CNTNAP2: variants seen among roughly 807,000 people sequenced by gnomAD.
CNTNAP2 encodes contactin associated protein 2.
Under a neutral mutation model 155.2 loss-of-function variants are expected in CNTNAP2, and 98 were observed. The observed-to-expected ratio is 0.63, with a 90% CI of 0.54 to 0.75. The LOEUF is 0.75. Among genes scored for constraint, CNTNAP2 ranks in the 30% least tolerant of loss-of-function variants. The pLI, the probability that CNTNAP2 is intolerant of heterozygous loss-of-function variation, is 0.00. For synonymous variants in CNTNAP2, 651 were observed against 631.2 expected, an observed-to-expected ratio of 1.03 and a Z score of -0.47; for missense variants, 1,727 against 1,688.1, an observed-to-expected ratio of 1.02 and a Z score of -0.40.
At chr7:146,761,099 G>A (rs1802089440) in intron 1 of CNTNAP2, among the ~76,000 whole-genome samples, 2 of 152,032 alleles carry the variant, frequency 1.3e-5, no homozygotes, top group South Asian at 2.1e-4. Context: ...TTCAATGATC[G>A]CCACCTTCCA....
At position 147,786,550 on chromosome 7, in the gene CNTNAP2, C is replaced by A. The variant is rs140620899; in HGVS notation, c.2099-117015C>A. Among the ~76,000 whole-genome samples the A allele has an allele frequency of 2.5e-4, 38 of 152,302 alleles. 1 individual carries two copies. In the East Asian group the frequency reaches 6.2e-3, roughly 25 times the overall value. On this transcript the variant is annotated intron_variant, in intron 13 of 23. Coordinates refer to ENST00000361727, the MANE Select transcript of CNTNAP2 (RefSeq NM_014141.6). ...GCTGGGGATGGCAGAGAGAGGCAGC[C>A]ACCCTTTGAAAAGCCTGCAGAGGAA...
intron 1 of CNTNAP2, among the ~76,000 whole-genome samples, chr7:146,321,458 C>T (rs1800999818): frequency 1.4e-5 from 2 of 139,468 alleles, no homozygotes; most frequent in South Asian, 4.6e-4. Context: ...GTTTAATTTG[C>T]CTGAGTGCTT....
intron 1 of CNTNAP2, among the ~76,000 whole-genome samples, chr7:146,209,657 T>C (rs922551288): frequency 1.3e-5 from 2 of 152,188 alleles, no homozygotes; most frequent in Non-Finnish European, 2.9e-5. Flanking sequence ...TGTAAAAGTA[T>C]AGTATCTAGG....
chr7:146,335,410 AG>A (rs1159375987), intron 1 of CNTNAP2, among the ~76,000 whole-genome samples: 5 of 152,198 alleles, frequency 3.3e-5, no homozygotes, highest in Non-Finnish European at 7.3e-5. Context: ...CTTGCTATTG[AG>A]CTGACGACCA....
At chr7:146,928,818 G>A (rs764519120) in intron 3 of CNTNAP2, among the ~76,000 whole-genome samples, 52 of 152,198 alleles carry the variant, frequency 3.4e-4, no homozygotes, top group Admixed American at 3.9e-4. Flanking sequence ...CTACGCCCAC[G>A]GAGTCTCGCT....
intron 1 of CNTNAP2, among the ~76,000 whole-genome samples, chr7:146,716,720 G>T (rs977134583): frequency 2.0e-5 from 3 of 152,128 alleles, no homozygotes; most frequent in Non-Finnish European, 4.4e-5. Context: ...TATAATATCT[G>T]CCTACCTATG....
Position 147,437,925 on chromosome 7 carries a change from T to C in CNTNAP2, c.1670+42145T>C, listed in dbSNP as rs929128732. Among the ~76,000 whole-genome samples the C allele has an allele frequency of 2.6e-5, 4 of 152,140 alleles. No homozygotes were observed. The South Asian group carries it at 8.3e-4, about 31-fold the overall frequency. ...TCATTTCCTTAAGATTGATCATTGT[T>C]GGCATATAGAAATGGTACTAATTTT... On this transcript the variant is annotated intron_variant, in intron 10 of 23. Coordinates refer to ENST00000361727, the MANE Select transcript of CNTNAP2 (RefSeq NM_014141.6).
intron 20 of CNTNAP2, among the ~76,000 whole-genome samples, chr7:148,238,879 A>G (rs1171718598): frequency 1.3e-5 from 2 of 152,226 alleles, no homozygotes; most frequent in East Asian, 3.8e-4. Context: ...TTCTGCCAAT[A>G]AAGAACAATA....
intron 10 of CNTNAP2, among the ~76,000 whole-genome samples, chr7:147,436,018 C>A (rs897909345): frequency 6.6e-6 from 1 of 151,994 alleles, no homozygotes; most frequent in Non-Finnish European, 1.5e-5. Context: ...TGTGACCATT[C>A]AAATATCCCA....
At chr7:146,292,397 C>A (rs1800443544) in intron 1 of CNTNAP2, among the ~76,000 whole-genome samples, 1 of 152,062 alleles carries the variant, frequency 6.6e-6, no homozygotes, top group African/African-American at 2.4e-5. Flanking sequence ...GCGTATTTAC[C>A]TATGTAACAA....
intron 1 of CNTNAP2, among the ~76,000 whole-genome samples, chr7:146,138,963 T>G (rs904751470): frequency 1.3e-5 from 2 of 152,076 alleles, no homozygotes; most frequent in Non-Finnish European, 2.9e-5. Context: ...AAGTTGAAAA[T>G]ATAGTTAAGT....
At chr7:147,028,955 T>C (rs1199950968) in intron 3 of CNTNAP2, among the ~76,000 whole-genome samples, 3 of 145,800 alleles carry the variant, frequency 2.1e-5, no homozygotes, top group East Asian at 4.0e-4. Flanking sequence ...AAATAAGATA[T>C]GTTCTTTTTT....
At chr7:146,652,896 T>G (rs1319717842) in intron 1 of CNTNAP2, among the ~76,000 whole-genome samples, 4 of 152,170 alleles carry the variant, frequency 2.6e-5, no homozygotes, top group Non-Finnish European at 5.9e-5. Flanking sequence ...AACTTCCTTA[T>G]GTTGTCACTA....
At chr7:148,052,772 GC>G (rs1433262012) in intron 15 of CNTNAP2, among the ~76,000 whole-genome samples, 1 of 152,214 alleles carries the variant, frequency 6.6e-6, no homozygotes, top group Non-Finnish European at 1.5e-5. Context: ...CCTAGGCCAG[GC>G]ACAGTGGCTC....
intron 1 of CNTNAP2, among the ~76,000 whole-genome samples, chr7:146,423,862 G>T (rs1433577156): frequency 6.6e-6 from 1 of 152,158 alleles, no homozygotes; most frequent in Non-Finnish European, 1.5e-5. Flanking sequence ...GCTTTAGTCA[G>T]ATAAATCTTA....
intron 14 of CNTNAP2, among the ~76,000 whole-genome samples, chr7:147,931,879 T>TTTTATTTATTTA (rs572242805): frequency 6.6e-6 from 1 of 152,000 alleles, no homozygotes; most frequent in African/African-American, 2.4e-5. Flanking sequence ...CTTTATTTTA[T>TTTTATTTATTTA]TTTATTTATT....
chr7:147,609,259 C>T (rs61711267), intron 12 of CNTNAP2, among the ~76,000 whole-genome samples: 2,687 of 152,196 alleles, frequency 0.018, 86 homozygotes, highest in African/African-American at 0.062. Flanking sequence ...GGGCCGGGCG[C>T]GGTGGCTCAC....
At chr7:147,360,187 T>C (rs1172383350) in intron 9 of CNTNAP2, among the ~76,000 whole-genome samples, 1 of 152,206 alleles carries the variant, frequency 6.6e-6, no homozygotes, top group East Asian at 1.9e-4. Flanking sequence ...TATGTCCCTA[T>C]ATTCAGTTAC....
At chr7:147,894,399 C>T (rs941139573) in intron 13 of CNTNAP2, among the ~76,000 whole-genome samples, 3 of 152,052 alleles carry the variant, frequency 2.0e-5, no homozygotes, top group Non-Finnish European at 2.9e-5. Flanking sequence ...ACTGCAAGGG[C>T]CTTCAAATAA....
Sources: gnomAD v4.1 joint callset for allele counts (sites outside exome capture counted in the v4.1 genomes callset) on GRCh38, gnomAD v4.1.1 for gene constraint, MANE v1.5 for transcripts, NCBI Gene and HGNC (gene_info 2026-07-23, HGNC 2026-07-21) for gene names.